Variants in BICDL1 observed in about 807,000 individuals in gnomAD.
BICDL1 encodes the protein BICD family-like cargo adapter 1.
In BICDL1, 20 loss-of-function variants were observed where a neutral mutation model predicts 76.8. That is an observed-to-expected ratio of 0.26 (90% CI 0.18 to 0.38). The LOEUF is 0.38. Ranked by LOEUF, BICDL1 falls within the 10% of genes least tolerant of loss-of-function variation. The pLI is 1.00. For synonymous variants in BICDL1, 383 were observed against 337.1 expected, an observed-to-expected ratio of 1.14 and a Z score of -1.49; for missense variants, 700 against 798.6, an observed-to-expected ratio of 0.88 and a Z score of 1.49.
intron 2 of BICDL1, among the ~76,000 whole-genome samples, chr12:120,028,072 G>T (rs192918371): frequency 1.3e-5 from 2 of 152,268 alleles, no homozygotes; most frequent in Admixed American, 1.3e-4. Context: ...TGGGAAATTG[G>T]CTGTTTTGAA....
At chr12:120,038,266 C>T (rs1195265098) in intron 2 of BICDL1, among the ~76,000 whole-genome samples, 4 of 152,206 alleles carry the variant, frequency 2.6e-5, no homozygotes, top group African/African-American at 9.6e-5. Context: ...GTAACTACAC[C>T]TTTTCCCTTC....
At position 120,093,294 on chromosome 12, in the gene BICDL1, A is replaced by G. The variant is rs1875146861; in HGVS notation, c.*133A>G. On this transcript the variant is annotated 3_prime_UTR_variant, in exon 10 of 10. Transcript: ENST00000548673. ...CATGCTAGGGCCCCATGGGTCCGGG[A>G]GGGCCTGCTCCCTTTCGTCGGTGGG... is the stretch of plus-strand genomic sequence containing the variant. The G allele has an allele frequency of 1.0e-5, 11 of 1,063,396 alleles. No homozygotes were observed. Among genetic ancestry groups the G allele is most frequent in the Non-Finnish European group, 1.5e-5 (11 of 737,108 alleles). The allele number at this position is 1,063,396 out of a possible 1,614,324, so 65.9% of individuals were successfully genotyped here. A position where few individuals can be genotyped will look rare whatever the true frequency, so the allele number is the denominator to read the frequency against.
At chr12:120,026,580 A>C (rs774906737) in intron 2 of BICDL1, among the ~76,000 whole-genome samples, 3 of 152,232 alleles carry the variant, frequency 2.0e-5, no homozygotes, top group Admixed American at 2.0e-4. Context: ...CAAAAACTAC[A>C]CAAGATTTAA....
Position 120,093,226 on chromosome 12 carries a change from A to G in BICDL1, c.*65A>G. On this transcript the variant is annotated 3_prime_UTR_variant, in exon 10 of 10. Transcript: ENST00000548673. ...GGCAGCTGGAAAGGCGGTGCAGGCAAGGCCTCCCCTGCAGCTTGCACCTCA... is the reference window on the plus strand; with the variant it reads ...GGCAGCTGGAAAGGCGGTGCAGGCAGGGCCTCCCCTGCAGCTTGCACCTCA... 6.6e-7 allele frequency: 1 copy of G among 1,524,932 alleles called. No homozygotes were observed. The allele number at this position is 1,524,932 out of a possible 1,614,324, so 94.5% of individuals were successfully genotyped here.
intron 2 of BICDL1, among the ~76,000 whole-genome samples, chr12:120,007,571 T>G (rs1021296448): frequency 1.3e-5 from 2 of 152,208 alleles, no homozygotes; most frequent in African/African-American, 4.8e-5. Context: ...TTCCTGCCTG[T>G]TTGGAGCTGT....
chr12:120,085,930 G>T (rs1379078078), intron 8 of BICDL1, among the ~76,000 whole-genome samples: 1 of 151,838 alleles, frequency 6.6e-6, no homozygotes, highest in Non-Finnish European at 1.5e-5. Flanking sequence ...ATGGAAGGTG[G>T]GGGATACAAA....
chr12:120,052,258 T>G (rs894978586), intron 2 of BICDL1, among the ~76,000 whole-genome samples: 4 of 71,642 alleles, frequency 5.6e-5, no homozygotes, highest in African/African-American at 2.1e-4. Flanking sequence ...GCCCCTCCCC[T>G]CCCCTTCTCT....
chr12:120,022,420 A>ATATTTTTTATATTATATATAATATATG (rs1164906840), intron 2 of BICDL1, among the ~76,000 whole-genome samples: 25 of 146,958 alleles, frequency 1.7e-4, no homozygotes, highest in Admixed American at 4.1e-4. Flanking sequence ...ATTTATATAT[A>ATATTTTTTATATTATATATAATATATG]TATTTTTTAT....
chr12:119,999,858 C>G, intron 2 of BICDL1: 1 of 421,390 alleles, frequency 2.4e-6, no homozygotes, highest in Non-Finnish European at 4.6e-6. Flanking sequence ...AAGAACTTCT[C>G]TGATATCATC....
intron 9 of BICDL1, chr12:120,091,629 C>A: frequency 1.0e-6 from 1 of 985,002 alleles, no homozygotes; most frequent in Non-Finnish European, 1.2e-6. Flanking sequence ...CAGGAATGAG[C>A]TGAGTCTGAA....
intron 8 of BICDL1, among the ~76,000 whole-genome samples, chr12:120,083,154 T>A (rs941443587): frequency 2.0e-5 from 3 of 152,200 alleles, no homozygotes; most frequent in African/African-American, 7.2e-5. Context: ...TGAGCCACCA[T>A]GCCCAGCCTG....
chr12:120,022,454 A>T (rs1329532599), intron 2 of BICDL1, among the ~76,000 whole-genome samples: 2 of 146,948 alleles, frequency 1.4e-5, no homozygotes, highest in Non-Finnish European at 1.5e-5. Flanking sequence ...TATGTATTTT[A>T]TATATTATAT....
Position 119,989,860 on chromosome 12 carries a change from G to A in BICDL1, c.-9G>A. The stretch of plus-strand genomic sequence containing the variant: ...GGCCGCACCGCTGCGGGCTCCGCGC[G>A]CGCGGGCCATGTCCGCTTTCTGCCT... On this transcript the variant is annotated 5_prime_UTR_variant, in exon 1 of 10. Transcript: ENST00000548673. 6 of 1,341,316 alleles carry A rather than the reference G, an allele frequency of 4.5e-6. No homozygotes were observed. The South Asian group carries it at 7.8e-5, about 17-fold the overall frequency. The allele number at this position is 1,341,316 out of a possible 1,614,324, so 83.1% of individuals were successfully genotyped here. A position where few individuals can be genotyped will look rare whatever the true frequency, so the allele number is the denominator to read the frequency against.
At chr12:120,013,439 A>AGTGTGTGTGTGTGTGTGTGT (rs35499277) in intron 2 of BICDL1, among the ~76,000 whole-genome samples, 28 of 134,890 alleles carry the variant, frequency 2.1e-4, no homozygotes, top group East Asian at 1.6e-3. Flanking sequence ...CTTTAACCAG[A>AGTGTGTGTGTGTGTGTGTGT]GTGTGTGTGT....
intron 8 of BICDL1, among the ~76,000 whole-genome samples, chr12:120,088,086 C>A (rs1408689224): frequency 6.6e-6 from 1 of 151,990 alleles, no homozygotes; most frequent in Non-Finnish European, 1.5e-5. Context: ...CATGCGCCAC[C>A]ACGCCCGGCA....
intron 2 of BICDL1, among the ~76,000 whole-genome samples, chr12:120,054,454 TCTACCA>T (rs1292297726): frequency 6.6e-6 from 1 of 152,190 alleles, no homozygotes; most frequent in African/African-American, 2.4e-5. Context: ...GGTAAGTTTT[TCTACCA>T]CTACGCCAGT....
intron 2 of BICDL1, among the ~76,000 whole-genome samples, chr12:120,007,895 CAGA>C (rs1426357710): frequency 1.3e-5 from 2 of 152,164 alleles, no homozygotes; most frequent in Non-Finnish European, 2.9e-5. Context: ...AGCTGGTTAT[CAGA>C]AGTAGTTTTA....
chr12:120,091,303 CTGGGAAA>C (rs1874943505), intron 9 of BICDL1: 1 of 1,069,216 alleles, frequency 9.4e-7, no homozygotes, highest in African/African-American at 1.7e-5. Context: ...CAGCGTGTGT[CTGGGAAA>C]CTCTAAAGGG....
At chr12:120,050,489 G>A (rs75813332) in intron 2 of BICDL1, among the ~76,000 whole-genome samples, 37 of 151,780 alleles carry the variant, frequency 2.4e-4, no homozygotes, top group Admixed American at 8.5e-4. Flanking sequence ...GGATGGTCTC[G>A]ATCTCCTGAC....
Sources: allele counts gnomAD v4.1 joint callset (sites outside exome capture counted in the v4.1 genomes callset), GRCh38; gene constraint gnomAD v4.1.1; transcripts MANE v1.5; gene names NCBI Gene and HGNC (gene_info 2026-07-23, HGNC 2026-07-21).